The following NEMP2 variants were observed in gnomAD, a reference collection of about 807,000 sequenced individuals.
NEMP2 encodes the protein UPF0571 transmembrane protein.
Under a neutral mutation model 54.2 loss-of-function variants are expected in NEMP2, and 53 were observed. The observed-to-expected ratio is 0.98, with a 90% CI of 0.78 to 1.23. The LOEUF is 1.23. Ranked by LOEUF, NEMP2 falls within the 50% of genes most tolerant of loss-of-function variation. The pLI is 0.00. For missense variants in NEMP2, 455 were observed against 511.3 expected (o/e 0.89, Z 1.06); for synonymous variants, 197 against 190.3 (o/e 1.04, Z -0.29).
At chr2:190,447,984 G>T in the NEMP2 span, among the ~76,000 whole-genome samples, 11 of 152,234 alleles carry the variant, frequency 7.2e-5, no homozygotes, top group Non-Finnish European at 1.3e-4. This position sits in a 1 kb window ranked among gnomAD's most constrained non-coding sequence, Gnocchi z 4.5. Flanking sequence ...TTGCAAAGTG[G>T]TATAAATGGA....
At chr2:190,442,915 T>G in the NEMP2 span, 1 of 152,102 alleles carries the variant, frequency 6.6e-6, no homozygotes, top group Admixed American at 6.5e-5. Context: ...AGAAGAGAAA[T>G]GGGCTGAGGA....
At chr2:190,550,178 G>A in the NEMP2 span, among the ~76,000 whole-genome samples, 1 of 152,128 alleles carries the variant, frequency 6.6e-6, no homozygotes, top group African/African-American at 2.4e-5. The surrounding 1 kb of genome is among the most constrained non-coding windows in gnomAD (Gnocchi z 4.7). Context: ...CTATAAACTG[G>A]ATAGCTTACA....
the NEMP2 span, among the ~76,000 whole-genome samples, chr2:190,616,670 T>C: frequency 6.6e-6 from 1 of 152,220 alleles, no homozygotes; most frequent in Non-Finnish European, 1.5e-5. The surrounding 1 kb of genome is among the most constrained non-coding windows in gnomAD (Gnocchi z 5.1). Flanking sequence ...CTCTCTTCCC[T>C]TGGGGCTCAC....
the NEMP2 span, chr2:190,488,950 C>G: frequency 1.0e-6 from 1 of 959,756 alleles, no homozygotes; most frequent in East Asian, 2.9e-5. This position sits in a 1 kb window ranked among gnomAD's most constrained non-coding sequence, Gnocchi z 6.4. Context: ...TAATCTCTTT[C>G]TAGATTTCAT....
chr2:190,581,458 A>G, the NEMP2 span, among the ~76,000 whole-genome samples: 2 of 152,250 alleles, frequency 1.3e-5, no homozygotes, highest in African/African-American at 2.4e-5. Flanking sequence ...TTTGCTGATC[A>G]TCTAAGGATT....
the NEMP2 span, among the ~76,000 whole-genome samples, chr2:190,424,835 A>T: frequency 6.6e-6 from 1 of 152,196 alleles, no homozygotes; most frequent in Admixed American, 6.5e-5. This position sits in a 1 kb window ranked among gnomAD's most constrained non-coding sequence, Gnocchi z 5.9. Flanking sequence ...CTTAATGCAC[A>T]GCTATATGAT....
At chr2:190,537,973 CTG>C (rs1691432419), upstream of NEMP2, among the ~76,000 whole-genome samples, 1 of 152,192 alleles carries the variant, frequency 6.6e-6, no homozygotes, top group Admixed American at 6.5e-5. Context: ...ATGTCTGAAA[CTG>C]TGGTTCCTTT....
At chr2:190,544,929 G>A in the NEMP2 span, among the ~76,000 whole-genome samples, 47 of 42,902 alleles carry the variant, frequency 1.1e-3, no homozygotes, top group Non-Finnish European at 1.3e-3. Context: ...CTCTACCCCC[G>A]CAAAAAAAAA....
the NEMP2 span, among the ~76,000 whole-genome samples, chr2:190,638,970 GT>G: frequency 6.6e-6 from 1 of 152,126 alleles, no homozygotes; most frequent in Non-Finnish European, 1.5e-5. The surrounding 1 kb of genome is among the most constrained non-coding windows in gnomAD (Gnocchi z 5.7). Context: ...GTCACTGGGT[GT>G]GAAAGCCCAG....
chr2:190,524,537 C>G (rs990021482), intron 2 of NEMP2, among the ~76,000 whole-genome samples: 7 of 152,170 alleles, frequency 4.6e-5, no homozygotes, highest in Non-Finnish European at 1.0e-4. Flanking sequence ...ACCCTTCCCC[C>G]CAGTACCTTG....
the NEMP2 span, among the ~76,000 whole-genome samples, chr2:190,448,386 T>TA: frequency 6.6e-6 from 1 of 152,148 alleles, no homozygotes; most frequent in East Asian, 1.9e-4. Context: ...GTGGCTTTCT[T>TA]ACAGTGAAAA....
the NEMP2 span, among the ~76,000 whole-genome samples, chr2:190,428,228 C>T: frequency 6.6e-5 from 10 of 152,322 alleles, no homozygotes; most frequent in Admixed American, 1.3e-4. Context: ...GATGGAAATA[C>T]TACAATTTAT....
the NEMP2 span, chr2:190,469,956 G>T: frequency 5.2e-4 from 400 of 776,450 alleles, 2 homozygotes; most frequent in African/African-American, 6.5e-3. The surrounding 1 kb of genome is among the most constrained non-coding windows in gnomAD (Gnocchi z 5.3). Flanking sequence ...GGAAGGGCAG[G>T]CCTACTGTTT....
the NEMP2 span, among the ~76,000 whole-genome samples, chr2:190,562,866 A>G: frequency 6.6e-6 from 1 of 152,098 alleles, no homozygotes; most frequent in African/African-American, 2.4e-5. The surrounding 1 kb of genome is among the most constrained non-coding windows in gnomAD (Gnocchi z 5.0). Flanking sequence ...TGAGTTTTCA[A>G]CTCATTCCCC....
chr2:190,518,706 A>G (rs1690648782), intron 4 of NEMP2, 30 bp downstream of exon 4: 2 of 1,471,404 alleles, frequency 1.4e-6, no homozygotes, highest in Non-Finnish European at 1.8e-6. Flanking sequence ...TTTCATTCAC[A>G]AAGTTAAAAA....
At chr2:190,455,996 A>G in the NEMP2 span, among the ~76,000 whole-genome samples, 1 of 118,858 alleles carries the variant, frequency 8.4e-6, no homozygotes, top group African/African-American at 3.2e-5. Flanking sequence ...GCTGAAGTGC[A>G]GCGGCATGAT....
At position 190,527,238 on chromosome 2, in the gene NEMP2, A is replaced by G. The variant is rs1350401215; in HGVS notation, c.98-1860T>C. On this transcript the variant is annotated intron_variant, in intron 1 of 8. Coordinates refer to ENST00000409150, the MANE Select transcript of NEMP2 (RefSeq NM_001142645.2). The surrounding 1 kb of genome is among the most constrained non-coding windows in gnomAD (Gnocchi z 4.0). ...ACAACTTGCTACACCAAAGTTGGGG[A>G]AGGACTGAGTAAACAGTAACTACTA... is the stretch of plus-strand genomic sequence containing the variant. 3.3e-5 allele frequency among the ~76,000 whole-genome samples: 5 copies of G among 152,222 alleles called. No homozygotes were observed. Among genetic ancestry groups the G allele is most frequent in the Admixed American group, 2.6e-4 (4 of 15,280 alleles).
chr2:190,597,318 T>A, the NEMP2 span, among the ~76,000 whole-genome samples: 1 of 151,288 alleles, frequency 6.6e-6, no homozygotes. The surrounding 1 kb of genome is among the most constrained non-coding windows in gnomAD (Gnocchi z 4.7). Flanking sequence ...GAGTTAGGAA[T>A]TTGGGCTAAG....
chr2:190,566,877 A>T, the NEMP2 span, among the ~76,000 whole-genome samples: 2 of 152,194 alleles, frequency 1.3e-5, no homozygotes, highest in African/African-American at 4.8e-5. Flanking sequence ...AGTGAAACCC[A>T]TCACTCTACA....
Sources: gnomAD v4.1 joint callset for allele counts (sites outside exome capture counted in the v4.1 genomes callset) on GRCh38, gnomAD v4.1.1 for gene constraint, Gnocchi (gnomAD v3.1) non-coding constraint, MANE v1.5 for transcripts, NCBI Gene and HGNC (gene_info 2026-07-23, HGNC 2026-07-21) for gene names.